TDRD3: variants seen among roughly 807,000 people sequenced by gnomAD.
TDRD3 encodes the protein tudor domain-containing protein 3.
A neutral mutation model predicts 86.7 loss-of-function variants in TDRD3; 45 were observed. The ratio of observed to expected loss-of-function variants is 0.52; its 90% CI spans 0.41 to 0.67. The LOEUF (loss-of-function observed/expected upper bound fraction) is 0.67. Among genes scored for constraint, TDRD3 ranks in the 30% least tolerant of loss-of-function variants. TDRD3 has a pLI of 0.00. For synonymous variants in TDRD3, 298 were observed against 301.7 expected (o/e 0.99, Z 0.13); for missense variants, 814 against 889.0 (o/e 0.92, Z 1.07).
chr13:60,528,687 G>C lies in TDRD3; in HGVS notation c.1462G>C (p.Gly488Arg). The stretch of plus-strand genomic sequence containing the variant: ...AACTAAAGATACTTCATATCCTTTA[G>C]GTTCTCAGCATAGTGATGGTGCTTT... ...DRTKDTSYPLGSQHSDGAFKK... is the reference protein window; with the variant it reads ...DRTKDTSYPLRSQHSDGAFKK... Residue 488 changes from glycine to arginine, a missense_variant, in exon 11 of 14, where the codon GGT becomes CGT. Coordinates refer to ENST00000377881, the MANE Select transcript of TDRD3 (RefSeq NM_001146070.2). The C allele has an allele frequency of 3.1e-6, 5 of 1,613,484 alleles. No homozygotes were observed. Among genetic ancestry groups the C allele is most frequent in the Non-Finnish European group, 4.2e-6 (5 of 1,179,760 alleles).
intron 3 of TDRD3, among the ~76,000 whole-genome samples, chr13:60,451,555 C>T (rs1955542314): frequency 1.3e-5 from 2 of 152,100 alleles, no homozygotes; most frequent in African/African-American, 4.8e-5. Flanking sequence ...GGCTTTTCCC[C>T]TGTCCCTCTA....
intron 3 of TDRD3, among the ~76,000 whole-genome samples, chr13:60,448,012 TA>T (rs1416539870): frequency 6.6e-6 from 1 of 152,164 alleles, no homozygotes; most frequent in Non-Finnish European, 1.5e-5. Context: ...GACATATCAG[TA>T]ATCTTTTTTG....
At chr13:60,566,227 C>G (rs911155996) in intron 12 of TDRD3, among the ~76,000 whole-genome samples, 1 of 151,226 alleles carries the variant, frequency 6.6e-6, no homozygotes, top group Admixed American at 6.6e-5. Context: ...CTTTCCCAAG[C>G]TTCAGTATTC....
At chr13:60,430,251 C>G (rs1954919467) in intron 1 of TDRD3, among the ~76,000 whole-genome samples, 1 of 152,044 alleles carries the variant, frequency 6.6e-6, no homozygotes, top group Admixed American at 6.6e-5. Flanking sequence ...GAAACTTAAC[C>G]AAGTATGTGA....
intron 11 of TDRD3, among the ~76,000 whole-genome samples, chr13:60,530,820 A>G (rs1008638245): frequency 6.6e-6 from 1 of 152,100 alleles, no homozygotes; most frequent in Non-Finnish European, 1.5e-5. Context: ...TGTGTGGCTA[A>G]AGGGAATGGT....
At chr13:60,425,175 A>G (rs1310562534) in intron 1 of TDRD3, among the ~76,000 whole-genome samples, 1 of 152,214 alleles carries the variant, frequency 6.6e-6, no homozygotes, top group African/African-American at 2.4e-5. Context: ...TACATTAAAA[A>G]TAATTTGATT....
intron 7 of TDRD3, among the ~76,000 whole-genome samples, chr13:60,487,322 T>C (rs7322160): frequency 0.31 from 47,101 of 151,738 alleles, 7,528 homozygotes; most frequent in South Asian, 0.36. Context: ...ACTAAAATTA[T>C]AAAATTAGCT....
intron 10 of TDRD3, 132 bp downstream of exon 10, chr13:60,510,887 A>G (rs932331853): frequency 1.1e-6 from 1 of 872,474 alleles, no homozygotes. Flanking sequence ...ATATGAACGT[A>G]TATCCTGAGT....
chr13:60,528,298 G>A (rs1401329461), intron 10 of TDRD3, 69 bp from the exon 11 acceptor site: 2 of 1,445,654 alleles, frequency 1.4e-6, no homozygotes, highest in East Asian at 2.4e-5. Context: ...ATAGAATAAA[G>A]CATTTTAAAA....
intron 3 of TDRD3, among the ~76,000 whole-genome samples, chr13:60,449,828 G>T (rs545384584): frequency 6.6e-6 from 1 of 152,084 alleles, no homozygotes; most frequent in African/African-American, 2.4e-5. Flanking sequence ...TGCTGCATAT[G>T]AATATCATTT....
At chr13:60,490,349 A>T (rs1162517820) in intron 7 of TDRD3, among the ~76,000 whole-genome samples, 1 of 152,238 alleles carries the variant, frequency 6.6e-6, no homozygotes, top group Non-Finnish European at 1.5e-5. Context: ...GAGCAAGAGT[A>T]TTCCAGGCAG....
intron 5 of TDRD3, among the ~76,000 whole-genome samples, chr13:60,471,172 A>G (rs563250447): frequency 6.6e-6 from 1 of 152,120 alleles, no homozygotes; most frequent in African/African-American, 2.4e-5. Context: ...AAGAGTTTTT[A>G]TAGGTTTAGC....
chr13:60,565,041 CTTTTTTTTTT>C (rs869194148), intron 12 of TDRD3, among the ~76,000 whole-genome samples: 52 of 70,878 alleles, frequency 7.3e-4, no homozygotes, highest in African/African-American at 2.3e-3. Context: ...CTATCAGTAT[CTTTTTTTTTT>C]TTTTTTTTTT....
At chr13:60,397,777 G>T (rs1335485850) in intron 1 of TDRD3, among the ~76,000 whole-genome samples, 1 of 151,866 alleles carries the variant, frequency 6.6e-6, no homozygotes, top group Non-Finnish European at 1.5e-5. Context: ...CGGGGAGGGG[G>T]TGTTTCTGCA....
rs752981780 is a variant in TDRD3, at chr13:60,467,313, T to C, written c.429T>C (p.Asn143=). 14 of 1,614,006 alleles carry C rather than the reference T, an allele frequency of 8.7e-6. No homozygotes were observed. The East Asian group carries it at 2.2e-4, about 26-fold the overall frequency. ...VDIKNGFLLL[N]DSNTTVLGGE... is the part of the protein sequence containing the mutation. Reference sequence around the variant, plus strand: ...TAAAAAATGGATTCCTGCTCTTGAATGACTCTAACACCACAGTTCTTGGTG... The same window carrying C: ...TAAAAAATGGATTCCTGCTCTTGAACGACTCTAACACCACAGTTCTTGGTG... The change falls in exon 5 of 14, where the codon AAT becomes AAC. Residue 143 remains asparagine, a synonymous_variant. Transcript: ENST00000377881.
At chr13:60,494,699 G>A (rs1566242027) in intron 8 of TDRD3, 124 bp downstream of exon 8, 1 of 788,604 alleles carries the variant, frequency 1.3e-6, no homozygotes, top group African/African-American at 1.8e-5. Flanking sequence ...ACTCTTGAAG[G>A]CTTTCATTAA....
chr13:60,539,272 CA>C (rs914110930), intron 12 of TDRD3, among the ~76,000 whole-genome samples: 12 of 152,006 alleles, frequency 7.9e-5, no homozygotes, highest in African/African-American at 2.7e-4. Flanking sequence ...CTATAAAACA[CA>C]AAAATCCCTG....
intron 8 of TDRD3, among the ~76,000 whole-genome samples, chr13:60,498,793 C>T (rs1246830785): frequency 6.6e-6 from 1 of 152,068 alleles, no homozygotes; most frequent in Admixed American, 6.5e-5. Context: ...AATGATCAAA[C>T]GTTTTGGGGA....
chr13:60,547,860 TTTC>T (rs890738964), intron 12 of TDRD3, among the ~76,000 whole-genome samples: 1 of 152,220 alleles, frequency 6.6e-6, no homozygotes, highest in African/African-American at 2.4e-5. Flanking sequence ...CACTCTCACC[TTTC>T]TTCTTTAATA....
Sources: gnomAD v4.1 joint callset for allele counts (sites outside exome capture counted in the v4.1 genomes callset) on GRCh38, gnomAD v4.1.1 for gene constraint, MANE v1.5 for transcripts, NCBI Gene and HGNC (gene_info 2026-07-23, HGNC 2026-07-21) for gene names.